Variants in SLCO3A1 observed in about 807,000 individuals in gnomAD.
SLCO3A1 encodes the protein PGE1 transporter.
Under a neutral mutation model 63.1 loss-of-function variants are expected in SLCO3A1, and 27 were observed. The ratio of observed to expected loss-of-function variants is 0.43; its 90% CI spans 0.32 to 0.59. The LOEUF is 0.59. SLCO3A1 is among the 20% of genes least tolerant of loss of function. The pLI is 0.09. For synonymous variants in SLCO3A1, 473 were observed against 409.9 expected, an observed-to-expected ratio of 1.15 and a Z score of -1.86; for missense variants, 773 against 945.8, an observed-to-expected ratio of 0.82 and a Z score of 2.40.
Position 91,854,547 on chromosome 15 carries a change from T to C in SLCO3A1, c.180+459T>C. On this transcript the variant is annotated intron_variant, in intron 1 of 9. Transcript: ENST00000318445. This position sits in a 1 kb window ranked among gnomAD's most constrained non-coding sequence, Gnocchi z 6.4. Reference sequence around the variant, plus strand: ...ATCCTCCTCGAGAACAAATCTATTATGCATCATTTTCTCCGGGCGCTTTCT... The same window carrying C: ...ATCCTCCTCGAGAACAAATCTATTACGCATCATTTTCTCCGGGCGCTTTCT... 1.0e-5 allele frequency: 2 copies of C among 198,316 alleles called. No individual in the cohort carries two copies. The highest frequency in any genetic ancestry group is 1.8e-5 in the Non-Finnish European group (2 of 109,088). The allele number at this position is 198,316 out of a possible 1,614,324, so 12.3% of individuals were successfully genotyped here. A position where few individuals can be genotyped will look rare whatever the true frequency, so the allele number is the denominator to read the frequency against.
In SLCO3A1 at chr15:91,856,846, C is replaced by A. The variant is rs974357308; in HGVS notation, c.180+2758C>A. Among the ~76,000 whole-genome samples the A allele has an allele frequency of 6.6e-6, 1 of 152,112 alleles. No individual in the cohort carries two copies. The highest frequency in any genetic ancestry group is 1.5e-5 in the Non-Finnish European group (1 of 68,030). On this transcript the variant is annotated intron_variant, in intron 1 of 9. Transcript: ENST00000318445. This position sits in a 1 kb window ranked among gnomAD's most constrained non-coding sequence, Gnocchi z 4.9. ...ACGATGTTATTTCCTATTAGATTCC[C>A]AGAGTCCACCTTCTTATTTCATCTC...
At chr15:92,041,410 A>G (rs1435123375) in intron 2 of SLCO3A1, among the ~76,000 whole-genome samples, 2 of 152,222 alleles carry the variant, frequency 1.3e-5, no homozygotes, top group Non-Finnish European at 2.9e-5. Flanking sequence ...CATGAATCAC[A>G]TGGTTGCCAA....
intron 2 of SLCO3A1, among the ~76,000 whole-genome samples, chr15:91,945,435 T>G (rs150189063): frequency 1.2e-3 from 178 of 152,094 alleles, no homozygotes; most frequent in African/African-American, 4.0e-3. Flanking sequence ...GTTTACATTC[T>G]AATAGGGAAG....
At position 91,883,126 on chromosome 15, in the gene SLCO3A1, T is replaced by C. The variant is rs1242598918; in HGVS notation, c.180+29038T>C. ...TTCCAGTCCTCTCTGTCAGCTCCTC[T>C]TAATCTCCATGTTACTCAGATGCTT... On this transcript the variant is annotated intron_variant, in intron 1 of 9. Coordinates refer to ENST00000318445, the MANE Select transcript of SLCO3A1 (RefSeq NM_013272.4). This position sits in a 1 kb window ranked among gnomAD's most constrained non-coding sequence, Gnocchi z 4.8. Among the ~76,000 whole-genome samples the C allele has an allele frequency of 6.6e-6, 1 of 152,230 alleles. No homozygotes were observed. Among genetic ancestry groups the C allele is most frequent in the Non-Finnish European group, 1.5e-5 (1 of 68,038 alleles).
intron 8 of SLCO3A1, among the ~76,000 whole-genome samples, chr15:92,148,395 A>G (rs952509174): frequency 6.6e-6 from 1 of 152,226 alleles, no homozygotes; most frequent in East Asian, 1.9e-4. Flanking sequence ...CATCTTTATT[A>G]TGAATTCCCA....
At chr15:91,956,614 AC>A (rs768624783) in intron 2 of SLCO3A1, among the ~76,000 whole-genome samples, 75 of 151,776 alleles carry the variant, frequency 4.9e-4, no homozygotes, top group Non-Finnish European at 7.5e-4. Flanking sequence ...TAGAGAAAGA[AC>A]CTTTCTGCCT....
intron 9 of SLCO3A1, among the ~76,000 whole-genome samples, chr15:92,156,171 C>T (rs937504349): frequency 3.3e-5 from 5 of 152,136 alleles, no homozygotes; most frequent in Admixed American, 6.5e-5. Context: ...GAAAAATGAA[C>T]GTGTTAAGTG....
intron 2 of SLCO3A1, among the ~76,000 whole-genome samples, chr15:91,966,153 GA>G (rs2151425128): frequency 6.6e-6 from 1 of 152,296 alleles, no homozygotes; most frequent in South Asian, 2.1e-4. Context: ...GATAGGTTGA[GA>G]AATGACCCAG....
At chr15:92,166,058 T>C (rs1264916151), downstream of SLCO3A1, among the ~76,000 whole-genome samples, 4 of 151,984 alleles carry the variant, frequency 2.6e-5, no homozygotes, top group Admixed American at 2.0e-4. Context: ...GTTTTTTGTT[T>C]TGTTTTGTTT....
At chr15:92,087,794 G>A (rs185235107) in intron 2 of SLCO3A1, among the ~76,000 whole-genome samples, 147 of 152,190 alleles carry the variant, frequency 9.7e-4, no homozygotes, top group African/African-American at 3.3e-3. Flanking sequence ...GCTGGGATTA[G>A]AGGTGTGAGC....
intron 2 of SLCO3A1, among the ~76,000 whole-genome samples, chr15:91,956,150 A>C (rs1157653074): frequency 6.6e-6 from 1 of 152,132 alleles, no homozygotes; most frequent in East Asian, 1.9e-4. Context: ...AAATGAGCTA[A>C]GGTCTGGCTA....
At chr15:92,068,558 G>C (rs1411541622) in intron 2 of SLCO3A1, among the ~76,000 whole-genome samples, 1 of 152,130 alleles carries the variant, frequency 6.6e-6, no homozygotes, top group Non-Finnish European at 1.5e-5. Flanking sequence ...TAAGTTTCTA[G>C]AGAAATTTTT....
chr15:91,926,596 T>TGTGTGTGTGTGTGCGCGCGCGC, intron 2 of SLCO3A1, among the ~76,000 whole-genome samples: 29 of 105,250 alleles, frequency 2.8e-4, no homozygotes, highest in African/African-American at 9.5e-4. Context: ...TGTGTGTGTG[T>TGTGTGTGTGTGTGCGCGCGCGC]GCGCGCGCGC....
intron 2 of SLCO3A1, among the ~76,000 whole-genome samples, chr15:92,025,483 G>T (rs1400665789): frequency 6.6e-6 from 1 of 152,196 alleles, no homozygotes; most frequent in Non-Finnish European, 1.5e-5. Context: ...TACTACTGCT[G>T]CTGCTGCTAC....
At chr15:92,007,551 G>A (rs1341693533) in intron 2 of SLCO3A1, among the ~76,000 whole-genome samples, 1 of 152,200 alleles carries the variant, frequency 6.6e-6, no homozygotes, top group Non-Finnish European at 1.5e-5. Flanking sequence ...AGTGGCAGAA[G>A]GGCTTGGGTT....
chr15:91,869,459 C>T (rs908863403), intron 1 of SLCO3A1, among the ~76,000 whole-genome samples: 3 of 151,814 alleles, frequency 2.0e-5, no homozygotes, highest in Non-Finnish European at 4.4e-5. Context: ...TTGCTTGAAC[C>T]CAGGAGGCAG....
chr15:91,917,030 T>C (rs1898685798), intron 2 of SLCO3A1, among the ~76,000 whole-genome samples: 1 of 152,084 alleles, frequency 6.6e-6, no homozygotes, highest in African/African-American at 2.4e-5. Context: ...ACGGTCAGAG[T>C]TTCTGATGTT....
chr15:92,128,386 C>G lies in SLCO3A1; in HGVS notation c.1409C>G (p.Pro470Arg). 6.2e-7 allele frequency: 1 copy of G among 1,614,152 alleles called. No individual in the cohort carries two copies. Reference sequence around the variant, plus strand: ...GGCTCAGCCCTGGACCCCTACTCGCCCTGCAATAATAACTGTGAATGCCAA... The same window carrying G: ...GGCTCAGCCCTGGACCCCTACTCGCGCTGCAATAATAACTGTGAATGCCAA... Reference protein sequence around the residue: ...APGSALDPYSPCNNNCECQTD... With the variant: ...APGSALDPYSRCNNNCECQTD... Residue 470 changes from proline to arginine, a missense_variant, in exon 7 of 10, where the codon CCC (proline) becomes CGC (arginine). Coordinates refer to ENST00000318445, the MANE Select transcript of SLCO3A1 (RefSeq NM_013272.4).
At chr15:92,087,263 G>C (rs1190459421) in intron 2 of SLCO3A1, among the ~76,000 whole-genome samples, 4 of 151,564 alleles carry the variant, frequency 2.6e-5, no homozygotes, top group Non-Finnish European at 4.4e-5. Context: ...TCATAAAGCA[G>C]GTGTCTGTAA....
Sources: gnomAD v4.1 joint callset for allele counts (sites outside exome capture counted in the v4.1 genomes callset) on GRCh38, gnomAD v4.1.1 for gene constraint, Gnocchi (gnomAD v3.1) non-coding constraint, MANE v1.5 for transcripts, NCBI Gene and HGNC (gene_info 2026-07-23, HGNC 2026-07-21) for gene names.